The following FZD6 variants were observed in gnomAD, a reference collection of about 807,000 sequenced individuals.
FZD6 encodes frizzled-6.
Under a neutral mutation model 61.4 loss-of-function variants are expected in FZD6, and 49 were observed. The ratio of observed to expected loss-of-function variants is 0.80; its 90% CI spans 0.63 to 1.01. FZD6 has a LOEUF of 1.01. Ranked by LOEUF, FZD6 falls within the 50% of genes least tolerant of loss-of-function variation. The pLI, the probability that FZD6 is intolerant of heterozygous loss-of-function variation, is 0.00. For synonymous variants in FZD6, 265 were observed against 292.2 expected, an observed-to-expected ratio of 0.91 and a Z score of 0.95; for missense variants, 724 against 848.2, an observed-to-expected ratio of 0.85 and a Z score of 1.82.
In FZD6 at chr8:103,300,126, T is replaced by C. The variant is rs1814111556; in HGVS notation, c.19T>C (p.Leu7=). MEMFTF[L]LTCIFLPLLR... Reference sequence around the variant, plus strand: ...GAAGAAAATGGAAATGTTTACATTTTTGTTGACGTGTATTTTTCTACCCCT... The same window carrying C: ...GAAGAAAATGGAAATGTTTACATTTCTGTTGACGTGTATTTTTCTACCCCT... Residue 7 remains leucine, a synonymous_variant, in exon 2 of 7, where the codon TTG becomes CTG. Coordinates refer to ENST00000358755, the MANE Select transcript of FZD6 (RefSeq NM_003506.4). The C allele has an allele frequency of 1.3e-6, 2 of 1,599,396 alleles. No individual in the cohort carries two copies. Among genetic ancestry groups the C allele is most frequent in the African/African-American group, 2.7e-5 (2 of 74,802 alleles).
At chr8:103,308,716 T>G (rs1586506915) in intron 2 of FZD6, among the ~76,000 whole-genome samples, 1 of 152,332 alleles carries the variant, frequency 6.6e-6, no homozygotes, top group Middle Eastern at 3.4e-3. Context: ...TTGAGATCTA[T>G]CCAGCCACTT....
chr8:103,299,899 C>T lies in FZD6; in HGVS notation c.-152-57C>T, dbSNP rs1283159729. ...TGAAAATCTTAACTCTGCACTTTGACTCCACATTTGAGTTTATGACAAATG... is the reference window on the plus strand; with the variant it reads ...TGAAAATCTTAACTCTGCACTTTGATTCCACATTTGAGTTTATGACAAATG... On this transcript the variant is annotated intron_variant, in intron 1 of 6. Transcript: ENST00000358755. The T allele has an allele frequency of 1.1e-5, 6 of 527,828 alleles. No homozygotes were observed. The African/African-American group carries it at 1.1e-4, about 10-fold the overall frequency. The allele number at this position is 527,828 out of a possible 1,614,324, so 32.7% of individuals were successfully genotyped here.
intron 3 of FZD6, among the ~76,000 whole-genome samples, chr8:103,321,307 T>C (rs1449588094): frequency 3.3e-5 from 5 of 152,226 alleles, no homozygotes; most frequent in Admixed American, 6.5e-5. Context: ...CATGTCCCAT[T>C]AATATAAAGC....
intron 2 of FZD6, among the ~76,000 whole-genome samples, chr8:103,316,304 CTG>C (rs1261884037): frequency 2.0e-5 from 3 of 152,156 alleles, no homozygotes; most frequent in African/African-American, 4.8e-5. Flanking sequence ...AACATATACT[CTG>C]TCAATCTCAA....
intron 2 of FZD6, among the ~76,000 whole-genome samples, chr8:103,316,163 T>C (rs1814619922): frequency 6.6e-6 from 1 of 152,236 alleles, no homozygotes; most frequent in Non-Finnish European, 1.5e-5. Flanking sequence ...ATTTATTTTT[T>C]TAATACCCTC....
At position 103,300,127 on chromosome 8, in the gene FZD6, T is replaced by C; in HGVS notation, c.20T>C (p.Leu7Ser). The change falls in exon 2 of 7, where the codon TTG (leucine) becomes TCG (serine). Residue 7 changes from leucine (L) to serine (S), a missense_variant. Leu to Ser is a moderately radical substitution (Grantham distance 145). Transcript: ENST00000358755. MEMFTFLLTCIFLPLLR... is the reference protein window; with the variant it reads MEMFTFSLTCIFLPLLR... ...AAGAAAATGGAAATGTTTACATTTT[T>C]GTTGACGTGTATTTTTCTACCCCTC... is the stretch of plus-strand genomic sequence containing the variant. The C allele has an allele frequency of 1.2e-6, 2 of 1,600,024 alleles. No individual in the cohort carries two copies. Among genetic ancestry groups the C allele is most frequent in the Non-Finnish European group, 1.7e-6 (2 of 1,167,096 alleles).
At chr8:103,322,047 A>G (rs1402195699) in intron 3 of FZD6, among the ~76,000 whole-genome samples, 1 of 152,182 alleles carries the variant, frequency 6.6e-6, no homozygotes, top group Non-Finnish European at 1.5e-5. Flanking sequence ...GCCTTTCCAT[A>G]TCTCAGCCAC....
intron 2 of FZD6, among the ~76,000 whole-genome samples, chr8:103,308,981 G>A (rs558044500): frequency 6.6e-6 from 1 of 152,294 alleles, no homozygotes; most frequent in Non-Finnish European, 1.5e-5. Context: ...AGTTAGATTA[G>A]TGTGATGTCC....
chr8:103,314,319 A>T (rs554601844), intron 2 of FZD6, among the ~76,000 whole-genome samples: 116 of 152,292 alleles, frequency 7.6e-4, no homozygotes, highest in Middle Eastern at 3.4e-3. Flanking sequence ...CCACCAAAGG[A>T]TCTGATTACC....
chr8:103,310,494 G>A (rs1586508677), intron 2 of FZD6, among the ~76,000 whole-genome samples: 1 of 151,980 alleles, frequency 6.6e-6, no homozygotes. Flanking sequence ...CGACCTCCTG[G>A]CATAAACCAG....
chr8:103,312,384 G>C (rs1352521279), intron 2 of FZD6, among the ~76,000 whole-genome samples: 1 of 152,232 alleles, frequency 6.6e-6, no homozygotes, highest in African/African-American at 2.4e-5. Context: ...TACTAAGAGA[G>C]TTGAAGAAGG....
In FZD6 at chr8:103,300,176, C is replaced by T. The variant is rs763564162; in HGVS notation, c.69C>T (p.Thr23=). The change falls in exon 2 of 7, where the codon ACC becomes ACT. Residue 23 remains threonine (T), a synonymous_variant. Coordinates refer to ENST00000358755, the MANE Select transcript of FZD6 (RefSeq NM_003506.4). ...TCCTAAGAGGGCACAGTCTCTTCAC[C>T]TGTGAACCAATTACTGTTCCCAGAT... ...LPLLRGHSLF[T]CEPITVPRCM... The T allele has an allele frequency of 2.5e-6, 4 of 1,603,400 alleles. No homozygotes were observed. Among genetic ancestry groups the T allele is most frequent in the Non-Finnish European group, 3.4e-6 (4 of 1,170,206 alleles).
Position 103,331,570 on chromosome 8 carries a change from C to A in FZD6, c.*61C>A. 1 of 1,104,334 alleles carries A rather than the reference C, an allele frequency of 9.1e-7. No individual in the cohort carries two copies. The highest frequency in any genetic ancestry group is 1.4e-6 in the Non-Finnish European group (1 of 723,848). The allele number at this position is 1,104,334 out of a possible 1,614,324, so 68.4% of individuals were successfully genotyped here. A position where few individuals can be genotyped will look rare whatever the true frequency, so the allele number is the denominator to read the frequency against. The stretch of plus-strand genomic sequence containing the variant: ...TGTTACACTGGAAGTGACCTATGCA[C>A]TGTTTTGTAAGAATCACTGTTACAT... On this transcript the variant is annotated 3_prime_UTR_variant, in exon 7 of 7. Transcript: ENST00000358755.
Position 103,331,751 on chromosome 8 carries a change from G to A in FZD6, c.*242G>A. 2.3e-6 allele frequency: 1 copy of A among 441,704 alleles called. No homozygotes were observed. Among genetic ancestry groups the A allele is most frequent in the Non-Finnish European group, 4.2e-6 (1 of 240,552 alleles). 27.4% of individuals were successfully genotyped at this position (441,704 alleles called of 1,614,324 possible). ...ATAATATTTTTTTAATAGTGTGGGA[G>A]GACAGAGTTAGAGGAATCTTCCTTT... On this transcript the variant is annotated 3_prime_UTR_variant, in exon 7 of 7. Transcript: ENST00000358755.
At chr8:103,316,175 C>T (rs1338111345) in intron 2 of FZD6, among the ~76,000 whole-genome samples, 1 of 152,096 alleles carries the variant, frequency 6.6e-6, no homozygotes, top group Admixed American at 6.6e-5. Context: ...AATACCCTCC[C>T]AACAATTAAC....
intron 4 of FZD6, 22 bp downstream of exon 4, chr8:103,325,520 A>G: frequency 6.5e-7 from 1 of 1,541,430 alleles, no homozygotes; most frequent in South Asian, 1.1e-5. Context: ...CACTTGGATT[A>G]TGTCTCTATT....
intron 5 of FZD6, among the ~76,000 whole-genome samples, chr8:103,328,977 A>G (rs1815036851): frequency 7.4e-6 from 1 of 134,604 alleles, no homozygotes; most frequent in Non-Finnish European, 1.6e-5. Flanking sequence ...TTCTATAACA[A>G]AATTGATTTA....
chr8:103,324,614 G>A lies in FZD6; in HGVS notation c.508G>A (p.Gly170Arg). The change falls in exon 4 of 7, where the codon GGA becomes AGA. Residue 170 changes from glycine (G) to arginine (R), a missense_variant. By Grantham distance (125) the Gly-to-Arg change is moderately radical. Transcript: ENST00000358755. ...TCCAAGGCATCTTAAGACTTCTGGG[G>A]GACAAGGATATAAGTTTCTGGGAAT... is the stretch of plus-strand genomic sequence containing the variant. Reference protein sequence around the residue: ...WCPRHLKTSGGQGYKFLGIDQ... With the variant: ...WCPRHLKTSGRQGYKFLGIDQ... The A allele has an allele frequency of 6.2e-7, 1 of 1,614,128 alleles. No individual in the cohort carries two copies. Among genetic ancestry groups the A allele is most frequent in the Non-Finnish European group, 8.5e-7 (1 of 1,180,006 alleles).
At chr8:103,302,154 T>G (rs1426774912) in intron 2 of FZD6, among the ~76,000 whole-genome samples, 1 of 152,014 alleles carries the variant, frequency 6.6e-6, no homozygotes, top group Non-Finnish European at 1.5e-5. Flanking sequence ...GAAAGAGAAA[T>G]GAAAAGGCAA....
Sources: allele counts gnomAD v4.1 joint callset (sites outside exome capture counted in the v4.1 genomes callset), GRCh38; gene constraint gnomAD v4.1.1; transcripts MANE v1.5; gene names NCBI Gene and HGNC (gene_info 2026-07-23, HGNC 2026-07-21).